The following RGS18 variants were observed in gnomAD, a reference collection of about 807,000 sequenced individuals.
RGS18 encodes regulator of G protein signaling 18.
RGS18 carries 22 observed loss-of-function variants against 27.6 expected under a neutral mutation model. That is an observed-to-expected ratio of 0.80 (90% CI 0.57 to 1.14). The LOEUF is 1.14. RGS18 is among the 50% of genes most tolerant of loss of function. The pLI is 0.00. For missense variants in RGS18, 299 were observed against 269.6 expected, an observed-to-expected ratio of 1.11 and a Z score of -0.76; for synonymous variants, 89 against 84.6, an observed-to-expected ratio of 1.05 and a Z score of -0.29.
intron 3 of RGS18, chr1:192,163,277 C>T (rs1483503624): frequency 1.3e-5 from 2 of 151,984 alleles, no homozygotes; most frequent in African/African-American, 4.8e-5. Context: ...TTTCTGTTTC[C>T]AGTCTAGTTA....
At chr1:192,162,838 G>A (rs1400572043) in intron 3 of RGS18, among the ~76,000 whole-genome samples, 2 of 152,076 alleles carry the variant, frequency 1.3e-5, no homozygotes, top group African/African-American at 4.8e-5. Context: ...CAGAGAAGGA[G>A]AAAAGAAAAC....
intron 3 of RGS18, among the ~76,000 whole-genome samples, chr1:192,171,440 T>C (rs570577287): frequency 9.1e-4 from 139 of 152,232 alleles, no homozygotes; most frequent in African/African-American, 3.2e-3. Flanking sequence ...TACAATGCCT[T>C]GTCAAATTCT....
chr1:192,183,618 A>G (rs1031507135), intron 4 of RGS18, among the ~76,000 whole-genome samples: 1 of 151,598 alleles, frequency 6.6e-6, no homozygotes, highest in Non-Finnish European at 1.5e-5. Context: ...CCAAGCATCT[A>G]TATTAGGCCA....
At chr1:192,167,368 C>T (rs559490439) in intron 3 of RGS18, among the ~76,000 whole-genome samples, 7 of 152,074 alleles carry the variant, frequency 4.6e-5, no homozygotes, top group South Asian at 4.1e-4. Flanking sequence ...AGAATTTCAG[C>T]GCTCTAAAAA....
At chr1:192,183,844 A>G (rs1656496467) in intron 4 of RGS18, among the ~76,000 whole-genome samples, 2 of 151,680 alleles carry the variant, frequency 1.3e-5, no homozygotes, top group Admixed American at 1.3e-4. Flanking sequence ...CAATTGGTTC[A>G]TGGTTCTGCA....
intron 1 of RGS18, 37 bp downstream of exon 1, chr1:192,158,793 T>A: frequency 7.3e-7 from 1 of 1,364,006 alleles, no homozygotes; most frequent in Non-Finnish European, 1.0e-6. Context: ...CTTATACTTT[T>A]AAAAGCATAA....
intron 4 of RGS18, among the ~76,000 whole-genome samples, chr1:192,183,351 T>C (rs1037426804): frequency 1.3e-5 from 2 of 151,620 alleles, no homozygotes; most frequent in African/African-American, 4.8e-5. Flanking sequence ...CATAACATAA[T>C]GAAATGAGCA....
At chr1:192,182,030 T>C (rs559349807) in intron 4 of RGS18, among the ~76,000 whole-genome samples, 1 of 151,768 alleles carries the variant, frequency 6.6e-6, no homozygotes, top group East Asian at 1.9e-4. Flanking sequence ...ACTGAGTTTC[T>C]TTGTTTTTTA....
At position 192,158,776 on chromosome 1, in the gene RGS18, A is replaced by T. The variant is rs775958392; in HGVS notation, c.119+20A>T. 1.0e-5 allele frequency: 15 copies of T among 1,460,734 alleles called. No individual in the cohort carries two copies. The South Asian group carries it at 1.9e-4, about 19-fold the overall frequency. The allele number at this position is 1,460,734 out of a possible 1,614,324, so 90.5% of individuals were successfully genotyped here. A position where few individuals can be genotyped will look rare whatever the true frequency, so the allele number is the denominator to read the frequency against. ...AATCAGGTAAAATTGTACAATTTTA[A>T]GTCAGCCTTATACTTTTAAAAGCAT... On this transcript the variant is annotated intron_variant, in intron 1 of 4. Transcript: ENST00000367460.
chr1:192,179,765 C>G (rs1194487950), intron 3 of RGS18, among the ~76,000 whole-genome samples: 3 of 151,484 alleles, frequency 2.0e-5, no homozygotes, highest in African/African-American at 7.3e-5. Context: ...AAAATTATAG[C>G]AATGGAGACC....
intron 3 of RGS18, chr1:192,168,503 A>G (rs1206360686): frequency 6.6e-6 from 1 of 152,168 alleles, no homozygotes; most frequent in South Asian, 2.1e-4. Context: ...ATAGTAACAA[A>G]GGGCTTTTGC....
At chr1:192,169,328 G>A (rs915334573) in intron 3 of RGS18, 10 of 152,240 alleles carry the variant, frequency 6.6e-5, no homozygotes, top group South Asian at 2.1e-4. Context: ...GATTAAAATC[G>A]AAAACGTTTA....
intron 3 of RGS18, chr1:192,168,008 A>G (rs1484352018): frequency 2.6e-5 from 4 of 152,210 alleles, no homozygotes; most frequent in Non-Finnish European, 4.4e-5. Context: ...AGAAACATGC[A>G]ATTACATGCA....
At chr1:192,168,715 C>A (rs1184010188) in intron 3 of RGS18, 1 of 152,170 alleles carries the variant, frequency 6.6e-6, no homozygotes, top group East Asian at 1.9e-4. Context: ...TTCATACATG[C>A]CTGTCCTGCC....
chr1:192,159,092 T>G (rs924765613), intron 1 of RGS18, 128 bp from the exon 2 acceptor site: 2 of 618,636 alleles, frequency 3.2e-6, no homozygotes, highest in Non-Finnish European at 5.8e-6. Flanking sequence ...AATATTTAAA[T>G]GGGATTCATG....
At chr1:192,176,639 A>T (rs1656363915) in intron 3 of RGS18, among the ~76,000 whole-genome samples, 1 of 151,748 alleles carries the variant, frequency 6.6e-6, no homozygotes, top group African/African-American at 2.4e-5. Context: ...TAGATTAAAT[A>T]TCAAATCAAG....
At chr1:192,163,817 T>C (rs1656112881) in intron 3 of RGS18, among the ~76,000 whole-genome samples, 1 of 151,410 alleles carries the variant, frequency 6.6e-6, no homozygotes, top group African/African-American at 2.4e-5. Context: ...ATTCAGTTTA[T>C]TTCTATTTAT....
At chr1:192,160,597 C>A in intron 3 of RGS18, 158 bp downstream of exon 3, 2 of 475,466 alleles carry the variant, frequency 4.2e-6, no homozygotes, top group East Asian at 3.2e-5. Context: ...ATAGAAAAGT[C>A]AAATAATGGA....
At chr1:192,160,488 A>G (rs1391972575) in intron 3 of RGS18, 49 bp downstream of exon 3, 1 of 1,332,320 alleles carries the variant, frequency 7.5e-7, no homozygotes, top group African/African-American at 1.4e-5. Flanking sequence ...GGAAAATTAC[A>G]CAAACTATGC....
Sources: gnomAD v4.1 joint callset for allele counts (sites outside exome capture counted in the v4.1 genomes callset) on GRCh38, gnomAD v4.1.1 for gene constraint, MANE v1.5 for transcripts, NCBI Gene and HGNC (gene_info 2026-07-23, HGNC 2026-07-21) for gene names.